The following MARCHF1 variants were observed in gnomAD, a reference collection of about 807,000 sequenced individuals.
The protein encoded by MARCHF1 is membrane associated ring-CH-type finger 1, also known as E3 ubiquitin-protein ligase MARCHF1.
A neutral mutation model predicts 54.2 loss-of-function variants in MARCHF1; 40 were observed. That is an observed-to-expected ratio of 0.74 (90% CI 0.57 to 0.96). The LOEUF is 0.96. MARCHF1 is among the 40% of genes least tolerant of loss of function. The pLI is 0.00. For synonymous variants in MARCHF1, 236 were observed against 236.3 expected, an observed-to-expected ratio of 1.00 and a Z score of 0.01; for missense variants, 586 against 656.5, an observed-to-expected ratio of 0.89 and a Z score of 1.17.
chr4:164,055,811 T>C (rs1357458933), intron 2 of MARCHF1, among the ~76,000 whole-genome samples: 21 of 152,194 alleles, frequency 1.4e-4, no homozygotes, highest in Non-Finnish European at 8.8e-5. Context: ...ATCCTCATTA[T>C]AATTTTGCCA....
intron 3 of MARCHF1, among the ~76,000 whole-genome samples, chr4:163,967,815 C>G (rs978156497): frequency 1.3e-5 from 2 of 152,104 alleles, no homozygotes; most frequent in Non-Finnish European, 2.9e-5. Context: ...CCCAGGAGAG[C>G]TGATGGTGTA....
At chr4:164,007,793 G>A (rs1753330395) in intron 2 of MARCHF1, among the ~76,000 whole-genome samples, 1 of 151,580 alleles carries the variant, frequency 6.6e-6, no homozygotes, top group Non-Finnish European at 1.5e-5. Context: ...AACCCTTGTG[G>A]TAAGCACGGC....
chr4:164,343,060 G>A (rs186223871), intron 1 of MARCHF1, among the ~76,000 whole-genome samples: 5 of 152,128 alleles, frequency 3.3e-5, no homozygotes, highest in Admixed American at 6.5e-5. Flanking sequence ...GAGATCTAAC[G>A]TACAGCTTGA....
chr4:164,159,338 A>G (rs915181634), intron 1 of MARCHF1, among the ~76,000 whole-genome samples: 3 of 152,142 alleles, frequency 2.0e-5, no homozygotes, highest in African/African-American at 7.2e-5. Context: ...ATAATTGCAC[A>G]AACTATTAAT....
intron 1 of MARCHF1, among the ~76,000 whole-genome samples, chr4:164,214,005 G>C (rs1731854661): frequency 6.6e-6 from 1 of 152,008 alleles, no homozygotes; most frequent in Admixed American, 6.6e-5. Context: ...TAATTGTGAT[G>C]CATTGTATGT....
chr4:164,078,320 C>A (rs1032632183), intron 2 of MARCHF1, among the ~76,000 whole-genome samples: 3 of 152,082 alleles, frequency 2.0e-5, no homozygotes, highest in African/African-American at 7.2e-5. Context: ...TAAATGGGAG[C>A]TGAACAATGA....
At chr4:163,982,618 G>C (rs990177169) in intron 3 of MARCHF1, among the ~76,000 whole-genome samples, 17 of 152,142 alleles carry the variant, frequency 1.1e-4, no homozygotes, top group Non-Finnish European at 1.5e-5. Flanking sequence ...TTGGAAAATT[G>C]TTTGGTTTTT....
chr4:163,618,670 T>C (rs1741587963), intron 5 of MARCHF1, among the ~76,000 whole-genome samples: 1 of 152,130 alleles, frequency 6.6e-6, no homozygotes, highest in Non-Finnish European at 1.5e-5. Context: ...CCAGTTAAAA[T>C]AAAATGAATC....
At chr4:163,807,974 T>C (rs1748272414) in intron 4 of MARCHF1, among the ~76,000 whole-genome samples, 1 of 152,346 alleles carries the variant, frequency 6.6e-6, no homozygotes, top group Non-Finnish European at 1.5e-5. Flanking sequence ...TCTTTAGTGA[T>C]TGATCTGGGT....
intron 3 of MARCHF1, among the ~76,000 whole-genome samples, chr4:163,987,898 C>A (rs920185678): frequency 6.6e-6 from 1 of 152,144 alleles, no homozygotes; most frequent in East Asian, 1.9e-4. Flanking sequence ...AAAATTATAA[C>A]CTGTGTGAAG....
chr4:164,326,225 G>T (rs1269967593), intron 1 of MARCHF1, among the ~76,000 whole-genome samples: 1 of 152,160 alleles, frequency 6.6e-6, no homozygotes, highest in African/African-American at 2.4e-5. Flanking sequence ...GTTATCAAAT[G>T]GGGTTAAATG....
At chr4:164,352,570 T>C (rs1437871137) in intron 1 of MARCHF1, among the ~76,000 whole-genome samples, 19 of 147,840 alleles carry the variant, frequency 1.3e-4, no homozygotes, top group Admixed American at 4.0e-4. Flanking sequence ...CTGAGAGATT[T>C]TGTCACCACC....
chr4:164,131,549 T>C (rs952162120), intron 1 of MARCHF1, among the ~76,000 whole-genome samples: 8 of 152,146 alleles, frequency 5.3e-5, no homozygotes, highest in African/African-American at 1.7e-4. Context: ...CAAATTAATA[T>C]CATATTTAGG....
At chr4:163,809,708 T>C (rs76265143) in intron 4 of MARCHF1, among the ~76,000 whole-genome samples, 1 of 151,278 alleles carries the variant, frequency 6.6e-6, no homozygotes, top group Non-Finnish European at 1.5e-5. Flanking sequence ...TATATACATA[T>C]ACATGTATTT....
intron 3 of MARCHF1, among the ~76,000 whole-genome samples, chr4:163,870,735 C>T (rs868858206): frequency 9.9e-5 from 15 of 151,972 alleles, no homozygotes; most frequent in South Asian, 4.1e-4. Context: ...TAAGCCAGCA[C>T]GGAAAGACAA....
chr4:163,999,640 T>A (rs1753147300), intron 2 of MARCHF1, among the ~76,000 whole-genome samples: 1 of 151,610 alleles, frequency 6.6e-6, no homozygotes, highest in Non-Finnish European at 1.5e-5. Flanking sequence ...AGTGTTACAG[T>A]ACCATTATAA....
At chr4:164,364,300 G>A (rs1209707082) in intron 1 of MARCHF1, among the ~76,000 whole-genome samples, 1 of 151,998 alleles carries the variant, frequency 6.6e-6, no homozygotes, top group African/African-American at 2.4e-5. Context: ...AAGGACTAAA[G>A]GCTCCTACCA....
At chr4:163,806,653 C>T (rs1748232108) in intron 4 of MARCHF1, among the ~76,000 whole-genome samples, 1 of 152,040 alleles carries the variant, frequency 6.6e-6, no homozygotes, top group African/African-American at 2.4e-5. Flanking sequence ...AATGGCTGGT[C>T]ACCACTTCCC....
intron 1 of MARCHF1, among the ~76,000 whole-genome samples, chr4:164,204,916 G>A (rs569967150): frequency 1.3e-5 from 2 of 152,094 alleles, no homozygotes; most frequent in African/African-American, 4.8e-5. Context: ...TCAGCATTTT[G>A]ATGTCTCTGT....
Sources: gnomAD v4.1 joint callset for allele counts (sites outside exome capture counted in the v4.1 genomes callset) on GRCh38, gnomAD v4.1.1 for gene constraint, MANE v1.5 for transcripts, NCBI Gene and HGNC (gene_info 2026-07-23, HGNC 2026-07-21) for gene names.